PRPF6: variants seen among roughly 807,000 people sequenced by gnomAD.
The protein encoded by PRPF6 is pre-mRNA processing factor 6.
Under a neutral mutation model 118.3 loss-of-function variants are expected in PRPF6, and 42 were observed. The observed-to-expected ratio is 0.35, with a 90% confidence interval of 0.28 to 0.46. The LOEUF (loss-of-function observed/expected upper bound fraction) is 0.46, where lower values mean the gene tolerates loss of function less well. PRPF6 is among the 20% of genes least tolerant of loss of function. PRPF6 has a pLI of 1.00. For synonymous variants in PRPF6, 481 were observed against 485.1 expected (o/e 0.99, Z 0.11); for missense variants, 662 against 1,255.7 (o/e 0.53, Z 7.15).
intron 1 of PRPF6, among the ~76,000 whole-genome samples, chr20:63,982,229 A>G (rs1016844595): frequency 2.6e-5 from 4 of 152,188 alleles, no homozygotes; most frequent in Non-Finnish European, 2.9e-5. Context: ...CTGGAGTGCA[A>G]TGGTGCGATC....
At position 64,004,443 on chromosome 20, in the gene PRPF6, G is replaced by A. The variant is rs568638795; in HGVS notation, c.1186+3204G>A. Among the ~76,000 whole-genome samples, 9 of 152,308 alleles carry A rather than the reference G, an allele frequency of 5.9e-5. No individual in the cohort carries two copies. In the South Asian group the frequency reaches 6.2e-4, roughly 11 times the overall value. ...TTTGGTTATTAGCAAACACTTACAC[G>A]TTGCTTGAAGGGTCTGGTTTTTGAA... On this transcript the variant is annotated intron_variant, in intron 9 of 20. Transcript: ENST00000266079.
In PRPF6 at chr20:64,018,995, C is replaced by T. The variant is rs146060909; in HGVS notation, c.1647+2150C>T. Among the ~76,000 whole-genome samples, 1,150 of 152,174 alleles carry T rather than the reference C, an allele frequency of 7.6e-3. 13 individuals carry two copies. The highest frequency in any genetic ancestry group is 0.025 in the African/African-American group (1,032 of 41,490). ...GTGGCGTGACCCAGAGCTTGTGTGCCGGCTGGGCCATCCTCCTGCCCCATG... is the reference window on the plus strand; with the variant it reads ...GTGGCGTGACCCAGAGCTTGTGTGCTGGCTGGGCCATCCTCCTGCCCCATG... On this transcript the variant is annotated intron_variant, in intron 12 of 20. Coordinates refer to ENST00000266079, the MANE Select transcript of PRPF6 (RefSeq NM_012469.4).
intron 2 of PRPF6, 69 bp from the exon 3 acceptor site, chr20:63,984,838 T>C (rs946976132): frequency 8.1e-6 from 9 of 1,106,710 alleles, no homozygotes; most frequent in Non-Finnish European, 1.2e-5. Flanking sequence ...CAAGTAGAGA[T>C]CTCCGTTTCG....
chr20:63,990,701 A>G (rs1254843421), intron 3 of PRPF6, among the ~76,000 whole-genome samples: 16 of 150,460 alleles, frequency 1.1e-4, no homozygotes, highest in Admixed American at 6.7e-4. Context: ...CTGGAGTGCA[A>G]TGGCGCAACC....
At chr20:63,987,006 A>G (rs888667774) in intron 3 of PRPF6, among the ~76,000 whole-genome samples, 8 of 150,594 alleles carry the variant, frequency 5.3e-5, no homozygotes, top group African/African-American at 1.9e-4. Flanking sequence ...TTTTCTTTAC[A>G]AAAAAATACA....
In PRPF6 at chr20:64,028,142, G is replaced by C. The variant is rs1315345213; in HGVS notation, c.2340-336G>C. ...CGTCCAGCTCAGGGTGACGGGGCTG[G>C]AGCACTGTGCAGGCACTGCCGCAGA... On this transcript the variant is annotated intron_variant, in intron 17 of 20. Coordinates refer to ENST00000266079, the MANE Select transcript of PRPF6 (RefSeq NM_012469.4). This position sits in a 1 kb window ranked among gnomAD's most constrained non-coding sequence, Gnocchi z 6.5. 6.6e-6 allele frequency among the ~76,000 whole-genome samples: 1 copy of C among 152,174 alleles called. No homozygotes were observed. Among genetic ancestry groups the C allele is most frequent in the Non-Finnish European group, 1.5e-5 (1 of 68,032 alleles).
rs2059134734 is a variant in PRPF6 at position 63,994,926 on chromosome 20, C to T, written c.449C>T (p.Ala150Val). The part of the protein sequence containing the change: ...QQFSDLKRKL[A>V]EVTEEEWLSI... The stretch of plus-strand genomic sequence containing the variant: ...GCTGGATATTTCCAGAGGAAGTTGG[C>T]AGAAGTCACAGAAGAAGAGTGGCTG... The change falls in exon 5 of 21, where the codon GCA becomes GTA. Residue 150 changes from alanine to valine, a missense_variant. By Grantham distance (64) the Ala-to-Val change is moderately conservative (BLOSUM62 0). Around this residue, in one of 10 missense-constraint regions of PRPF6, gnomAD observed 97 missense variants for 122.6 expected, o/e 0.79. Transcript: ENST00000266079. 6.2e-7 allele frequency: 1 copy of T among 1,613,988 alleles called. No individual in the cohort carries two copies. The highest frequency in any genetic ancestry group is 8.5e-7 in the Non-Finnish European group (1 of 1,180,024).
chr20:63,988,681 C>T (rs923315869), intron 3 of PRPF6, among the ~76,000 whole-genome samples: 1 of 151,748 alleles, frequency 6.6e-6, no homozygotes, highest in Non-Finnish European at 1.5e-5. Context: ...AGTTCGAGAC[C>T]AGCCTGGCTA....
At position 64,031,990 on chromosome 20, in the gene PRPF6, C is replaced by T. The variant is rs1255618410; in HGVS notation, c.2619C>T (p.Asp873=). 3.7e-6 allele frequency: 6 copies of T among 1,614,050 alleles called. No individual in the cohort carries two copies. ...ACCGCACTGTGAAGATTGACTCGGACCTGGGGGATGCCTGGGCCTTCTTCT... is the reference window on the plus strand; with the variant it reads ...ACCGCACTGTGAAGATTGACTCGGATCTGGGGGATGCCTGGGCCTTCTTCT... ...WFHRTVKIDS[D]LGDAWAFFYK... The change falls in exon 20 of 21, where the codon GAC becomes GAT. Residue 873 remains aspartate, a synonymous_variant. Transcript: ENST00000266079.
At position 64,028,378 on chromosome 20, in the gene PRPF6, G is replaced by T; in HGVS notation, c.2340-100G>T. 8.2e-7 allele frequency: 1 copy of T among 1,225,168 alleles called. No individual in the cohort carries two copies. The highest frequency in any genetic ancestry group is 1.2e-5 in the South Asian group (1 of 82,406). 75.9% of individuals were successfully genotyped at this position (1,225,168 alleles called of 1,614,324 possible). On this transcript the variant is annotated intron_variant, in intron 17 of 20. Transcript: ENST00000266079. The surrounding 1 kb of genome is among the most constrained non-coding windows in gnomAD (Gnocchi z 6.5). The stretch of plus-strand genomic sequence containing the variant: ...GAGGGAATGGAGTTTTTGCTGCTGT[G>T]ACTGGGTGGAGAGCCCTTTCAGACA...
At chr20:64,022,220 T>C (rs376662842) in intron 12 of PRPF6, among the ~76,000 whole-genome samples, 1 of 152,198 alleles carries the variant, frequency 6.6e-6, no homozygotes, top group East Asian at 1.9e-4. Context: ...AGCACAGCTG[T>C]TTTTCAAAGT....
intron 12 of PRPF6, among the ~76,000 whole-genome samples, chr20:64,021,944 C>CGT (rs199733742): frequency 8.0e-5 from 5 of 62,588 alleles, no homozygotes; most frequent in African/African-American, 1.9e-4. Flanking sequence ...CGTGTGTGTG[C>CGT]GTGTGTGTGT....
chr20:64,005,686 C>G (rs2059187164), intron 9 of PRPF6, among the ~76,000 whole-genome samples: 1 of 152,122 alleles, frequency 6.6e-6, no homozygotes, highest in Admixed American at 6.5e-5. Context: ...AGTGATCCTC[C>G]TGCTTCTGGC....
At chr20:64,010,486 G>A (rs2059211840) in intron 10 of PRPF6, among the ~76,000 whole-genome samples, 168 bp downstream of exon 10, 1 of 152,224 alleles carries the variant, frequency 6.6e-6, no homozygotes, top group Non-Finnish European at 1.5e-5. Flanking sequence ...GTACATAGCC[G>A]CTAGGCAGGG....
intron 12 of PRPF6, among the ~76,000 whole-genome samples, chr20:64,017,218 C>T (rs2123067733): frequency 6.6e-6 from 1 of 151,604 alleles, no homozygotes; most frequent in Middle Eastern, 3.4e-3. Context: ...GCTGGGATCA[C>T]AGGCGTGAGC....
Position 64,029,727 on chromosome 20 carries a change from G to A in PRPF6, c.2546+236G>A, listed in dbSNP as rs142951130. Among the ~76,000 whole-genome samples, 3 of 112,016 alleles carry A rather than the reference G, an allele frequency of 2.7e-5. No homozygotes were observed. The highest frequency in any genetic ancestry group is 4.1e-5 in the Non-Finnish European group (2 of 49,144). 73.5% of individuals were successfully genotyped at this position (112,016 alleles called of 152,430 possible). A position where few individuals can be genotyped will look rare whatever the true frequency, so the allele number is the denominator to read the frequency against. On this transcript the variant is annotated intron_variant, in intron 19 of 20. Coordinates refer to ENST00000266079, the MANE Select transcript of PRPF6 (RefSeq NM_012469.4). This position sits in a 1 kb window ranked among gnomAD's most constrained non-coding sequence, Gnocchi z 4.8. ...GGACGCATGTGATTCACACTGGTGCGCTGGCCGCCGGGTCACAGACTCACT... is the reference window on the plus strand; with the variant it reads ...GGACGCATGTGATTCACACTGGTGCACTGGCCGCCGGGTCACAGACTCACT...
At position 63,995,464 on chromosome 20, in the gene PRPF6, G is replaced by A; in HGVS notation, c.753G>A (p.Met251Ile). 6.2e-7 allele frequency: 1 copy of A among 1,614,106 alleles called. No homozygotes were observed. The highest frequency in any genetic ancestry group is 8.5e-7 in the Non-Finnish European group (1 of 1,180,032). Residue 251 changes from methionine (M) to isoleucine (I), a missense_variant, in exon 6 of 21, where the codon ATG becomes ATA. Met to Ile is a conservative substitution (Grantham distance 10). Around this residue, in one of 10 missense-constraint regions of PRPF6, gnomAD observed 71 missense variants for 166.4 expected, o/e 0.43. Coordinates refer to ENST00000266079, the MANE Select transcript of PRPF6 (RefSeq NM_012469.4). Reference protein sequence around the residue: ...RKIGQARNTLMDMRLSQVSDS... With the variant: ...RKIGQARNTLIDMRLSQVSDS... Reference sequence around the variant, plus strand: ...TTGGCCAAGCGAGGAACACTCTGATGGACATGAGGCTGAGCCAGGTGAGTT... The same window carrying A: ...TTGGCCAAGCGAGGAACACTCTGATAGACATGAGGCTGAGCCAGGTGAGTT...
At chr20:63,993,226 ATGTGTGTGTGTG>A (rs61077852) in intron 3 of PRPF6, among the ~76,000 whole-genome samples, 169 bp from the exon 4 acceptor site, 21 of 129,298 alleles carry the variant, frequency 1.6e-4, no homozygotes, top group Admixed American at 3.3e-4. Context: ...AAAAAAAAAA[ATGTGTGTGTGTG>A]TGTGTGTGTG....
chr20:64,004,181 G>T (rs902540306), intron 9 of PRPF6, among the ~76,000 whole-genome samples: 1 of 152,194 alleles, frequency 6.6e-6, no homozygotes, highest in African/African-American at 2.4e-5. Context: ...GGAGTATGCT[G>T]TTGGAGGCGG....
Sources: gnomAD v4.1 joint callset for allele counts (sites outside exome capture counted in the v4.1 genomes callset) on GRCh38, gnomAD v4.1.1 for gene constraint, gnomAD v4.1.1 regional missense constraint, Gnocchi (gnomAD v3.1) non-coding constraint, MANE v1.5 for transcripts, NCBI Gene and HGNC (gene_info 2026-07-23, HGNC 2026-07-21) for gene names.